The following LRRC4C variants were observed in gnomAD, a reference collection of about 807,000 sequenced individuals.
The protein encoded by LRRC4C is leucine-rich repeat-containing protein 4C.
A neutral mutation model predicts 33.6 loss-of-function variants in LRRC4C; 5 were observed. The ratio of observed to expected loss-of-function variants is 0.15; its 90% confidence interval spans 0.08 to 0.31. LRRC4C has a LOEUF of 0.31. LRRC4C is among the 10% of genes least tolerant of loss of function. The pLI, the probability that LRRC4C is intolerant of heterozygous loss-of-function variation, is 1.00. For synonymous variants in LRRC4C, 329 were observed against 302.0 expected, an observed-to-expected ratio of 1.09 and a Z score of -0.93; for missense variants, 560 against 796.7, an observed-to-expected ratio of 0.70 and a Z score of 3.58.
chr11:40,363,177 C>A (rs1948041756), intron 3 of LRRC4C, among the ~76,000 whole-genome samples: 2 of 152,064 alleles, frequency 1.3e-5, no homozygotes, highest in Admixed American at 1.3e-4. Context: ...CAAGGATGGA[C>A]TGGATAAAGA....
At chr11:40,529,826 AG>A (rs1289152315) in intron 3 of LRRC4C, among the ~76,000 whole-genome samples, 2 of 152,138 alleles carry the variant, frequency 1.3e-5, no homozygotes, top group Non-Finnish European at 2.9e-5. Context: ...TTAAAGAAAA[AG>A]ATTCTAGCTT....
At chr11:41,440,190 G>A (rs771642730) in intron 1 of LRRC4C, among the ~76,000 whole-genome samples, 3 of 151,928 alleles carry the variant, frequency 2.0e-5, no homozygotes, top group Admixed American at 6.6e-5. Context: ...GATAATTTTT[G>A]TATATGGTGA....
chr11:40,828,030 T>C (rs1565107549), intron 2 of LRRC4C, among the ~76,000 whole-genome samples: 1 of 151,624 alleles, frequency 6.6e-6, no homozygotes, highest in African/African-American at 2.4e-5. Context: ...ATATAGCAGG[T>C]TTATATAATA....
chr11:40,648,369 A>C (rs1044390969), intron 2 of LRRC4C, 91 bp from the exon 3 acceptor site: 1 of 152,214 alleles, frequency 6.6e-6, no homozygotes, highest in African/African-American at 2.4e-5. Flanking sequence ...CACACTAAAA[A>C]AAAATTAAAA....
At chr11:40,566,947 A>C (rs1279669769) in intron 3 of LRRC4C, among the ~76,000 whole-genome samples, 1 of 152,090 alleles carries the variant, frequency 6.6e-6, no homozygotes, top group African/African-American at 2.4e-5. Flanking sequence ...CAGAGATCTT[A>C]GGTCATTTAT....
chr11:40,571,867 A>G (rs1957995814), intron 3 of LRRC4C, among the ~76,000 whole-genome samples: 1 of 152,194 alleles, frequency 6.6e-6, no homozygotes, highest in Non-Finnish European at 1.5e-5. Flanking sequence ...AGTTTTCCAA[A>G]TCACTCAACA....
chr11:40,135,750 T>C (rs926749335), intron 6 of LRRC4C, among the ~76,000 whole-genome samples: 2 of 152,194 alleles, frequency 1.3e-5, no homozygotes, highest in African/African-American at 2.4e-5. Context: ...GATTCTAATA[T>C]GGATATTAGA....
intron 1 of LRRC4C, among the ~76,000 whole-genome samples, chr11:40,940,424 A>T (rs1269742008): frequency 6.6e-6 from 1 of 152,106 alleles, no homozygotes; most frequent in Non-Finnish European, 1.5e-5. Context: ...TTGCTGAGCC[A>T]CTGAATTTAG....
At chr11:41,060,414 G>A (rs10837562) in intron 1 of LRRC4C, among the ~76,000 whole-genome samples, 73,679 of 151,964 alleles carry the variant, frequency 0.48, 18,285 homozygotes, top group South Asian at 0.62. Flanking sequence ...CACTTCTGGA[G>A]GCTTGAAACC....
At chr11:41,192,185 T>C (rs995971064) in intron 1 of LRRC4C, among the ~76,000 whole-genome samples, 2 of 152,128 alleles carry the variant, frequency 1.3e-5, no homozygotes, top group Non-Finnish European at 2.9e-5. Context: ...AGCATCTGAC[T>C]TGGTACATAC....
At chr11:40,587,757 T>C (rs1265134872) in intron 3 of LRRC4C, among the ~76,000 whole-genome samples, 1 of 152,102 alleles carries the variant, frequency 6.6e-6, no homozygotes, top group Admixed American at 6.5e-5. Flanking sequence ...TCTTTGGCTC[T>C]GTTTATATGC....
At chr11:41,023,752 G>A (rs1856146134) in intron 1 of LRRC4C, among the ~76,000 whole-genome samples, 1 of 151,786 alleles carries the variant, frequency 6.6e-6, no homozygotes, top group Admixed American at 6.6e-5. Context: ...ATAGGATTGA[G>A]ACAAAATTAA....
intron 3 of LRRC4C, among the ~76,000 whole-genome samples, chr11:40,547,925 T>A (rs1235656237): frequency 6.6e-6 from 1 of 152,134 alleles, no homozygotes; most frequent in Non-Finnish European, 1.5e-5. Context: ...GTTCTAGTGA[T>A]TGGAGCGAGC....
Position 40,114,391 on chromosome 11 carries a change from A to G in LRRC4C, c.1902T>C (p.Asn634=), listed in dbSNP as rs756445230. 1.2e-6 allele frequency: 2 copies of G among 1,612,214 alleles called. No individual in the cohort carries two copies. The highest frequency in any genetic ancestry group is 1.3e-5 in the African/African-American group (1 of 74,700). Residue 634 remains asparagine (N), a synonymous_variant, in exon 7 of 7, where the codon AAT becomes AAC. Coordinates refer to ENST00000528697, the MANE Select transcript of LRRC4C (RefSeq NM_001258419.2). Reference sequence around the variant, plus strand: ...TGTTTTAGATTTGAGTCTCTTGTACATTGTCTTTAGAGTTCATTCGGATCA... The same window carrying G: ...TGTTTTAGATTTGAGTCTCTTGTACGTTGTCTTTAGAGTTCATTCGGATCA... ...PLLIRMNSKD[N]VQETQI
chr11:40,339,659 G>A (rs1488253255), intron 3 of LRRC4C, among the ~76,000 whole-genome samples: 1 of 152,136 alleles, frequency 6.6e-6, no homozygotes, highest in Non-Finnish European at 1.5e-5. Context: ...AAGGTCACCA[G>A]TGATTAGACA....
At chr11:40,711,928 T>C (rs1946485994) in intron 2 of LRRC4C, among the ~76,000 whole-genome samples, 1 of 152,186 alleles carries the variant, frequency 6.6e-6, no homozygotes, top group Non-Finnish European at 1.5e-5. Flanking sequence ...TCCTGGGAAC[T>C]TAAATGCTGA....
chr11:40,320,699 G>T (rs1945800616), intron 3 of LRRC4C, among the ~76,000 whole-genome samples: 3 of 152,202 alleles, frequency 2.0e-5, no homozygotes, highest in South Asian at 4.1e-4. Flanking sequence ...AGTCTTAATT[G>T]CTCCACATAT....
At chr11:40,438,999 C>T (rs1462256697) in intron 3 of LRRC4C, among the ~76,000 whole-genome samples, 9 of 144,752 alleles carry the variant, frequency 6.2e-5, no homozygotes, top group South Asian at 2.2e-4. Context: ...GGCATGATCT[C>T]GGTTCACTGC....
intron 1 of LRRC4C, among the ~76,000 whole-genome samples, chr11:41,011,930 C>A (rs1482049341): frequency 1.5e-5 from 2 of 136,230 alleles, no homozygotes; most frequent in African/African-American, 2.5e-5. Flanking sequence ...TCACTGCAAC[C>A]TTTGCCTCCT....
Sources: allele counts gnomAD v4.1 joint callset (sites outside exome capture counted in the v4.1 genomes callset), GRCh38; gene constraint gnomAD v4.1.1; transcripts MANE v1.5; gene names NCBI Gene and HGNC (gene_info 2026-07-23, HGNC 2026-07-21).